SNRPD3: variants seen among roughly 807,000 people sequenced by gnomAD.
SNRPD3 encodes small nuclear ribonucleoprotein Sm D3.
For synonymous variants in SNRPD3, 66 were observed against 58.4 expected, an observed-to-expected ratio of 1.13 and a Z score of -0.59; for missense variants, 73 against 167.5, an observed-to-expected ratio of 0.44 and a Z score of 3.11.
Position 24,572,261 on chromosome 22 carries a change from G to T in SNRPD3, c.*284G>T, listed in dbSNP as rs1056442263. 16 of 617,526 alleles carry T rather than the reference G, an allele frequency of 2.6e-5. No homozygotes were observed. The highest frequency in any genetic ancestry group is 4.0e-5 in the Non-Finnish European group (14 of 351,154). 38.3% of individuals were successfully genotyped at this position (617,526 alleles called of 1,614,324 possible). A position where few individuals can be genotyped will look rare whatever the true frequency, so the allele number is the denominator to read the frequency against. On this transcript the variant is annotated 3_prime_UTR_variant, in exon 4 of 4. Transcript: ENST00000215829. ...AGTACTTTGAAATAGCACAGCTATT[G>T]ATGAGATTTTAAGCTGCTGTTCCTG... is the stretch of plus-strand genomic sequence containing the variant.
chr22:24,557,509 A>AG lies in SNRPD3; in HGVS notation c.-18-147dup, dbSNP rs890387922. 4 of 446,470 alleles carry AG rather than the reference A, an allele frequency of 9.0e-6. No homozygotes were observed. The African/African-American group carries it at 1.9e-4, about 21-fold the overall frequency. The allele number at this position is 446,470 out of a possible 1,614,324, so 27.7% of individuals were successfully genotyped here. ...ATAGTTTCCTCCAAACCAGGAGCTG[A>AG]GCTTTTTTTTTTTTCCTTGGTAGAA... On this transcript the variant is annotated intron_variant, in intron 1 of 3. Coordinates refer to ENST00000215829, the MANE Select transcript of SNRPD3 (RefSeq NM_004175.5).
At chr22:24,568,297 C>G (rs1198838734) in intron 3 of SNRPD3, 121 bp downstream of exon 3, 1 of 650,074 alleles carries the variant, frequency 1.5e-6, no homozygotes, top group African/African-American at 1.8e-5. Flanking sequence ...CACCCACCAC[C>G]CACTGCCACC....
At chr22:24,556,389 T>A (rs368983419) in intron 1 of SNRPD3, among the ~76,000 whole-genome samples, 3 of 134,048 alleles carry the variant, frequency 2.2e-5, no homozygotes, top group African/African-American at 8.2e-5. Context: ...TTTTTTTTTT[T>A]AAGTAGAGAC....
At chr22:24,556,312 C>A (rs1353245843) in intron 1 of SNRPD3, among the ~76,000 whole-genome samples, 1 of 151,912 alleles carries the variant, frequency 6.6e-6, no homozygotes, top group African/African-American at 2.4e-5. Context: ...AGCTTCCAGG[C>A]AGTAATCTCG....
chr22:24,568,238 G>T, intron 3 of SNRPD3, 62 bp downstream of exon 3: 3 of 1,317,054 alleles, frequency 2.3e-6, no homozygotes, highest in Non-Finnish European at 3.2e-6. Flanking sequence ...GTAGAAAGGG[G>T]CCCTATTACT....
At chr22:24,555,855 G>T (rs144974630), upstream of SNRPD3, 1 of 1,533,756 alleles carries the variant, frequency 6.5e-7, no homozygotes, top group Non-Finnish European at 8.8e-7. Context: ...CGGAACTATC[G>T]TACTGGTGCC....
At chr22:24,565,158 T>G (rs1028125835) in intron 2 of SNRPD3, among the ~76,000 whole-genome samples, 3 of 152,128 alleles carry the variant, frequency 2.0e-5, no homozygotes, top group Non-Finnish European at 4.4e-5. Context: ...GTGCTGGGAT[T>G]ACAGACATGA....
At chr22:24,570,106 G>A (rs894267765) in intron 3 of SNRPD3, among the ~76,000 whole-genome samples, 21 of 152,216 alleles carry the variant, frequency 1.4e-4, no homozygotes, top group Admixed American at 9.8e-4. Flanking sequence ...GGGAAACCCC[G>A]CGAGGCCTGT....
chr22:24,566,828 G>A lies in SNRPD3; in HGVS notation c.127-1156G>A, dbSNP rs925344111. On this transcript the variant is annotated intron_variant, in intron 2 of 3. Coordinates refer to ENST00000215829, the MANE Select transcript of SNRPD3 (RefSeq NM_004175.5). ...GGTATCACCCTCCCATGCCAAGCTG[G>A]TCTCACCTTCAGGCTCCCCATTTGT... Among the ~76,000 whole-genome samples, 11 of 152,220 alleles carry A rather than the reference G, an allele frequency of 7.2e-5. No individual in the cohort carries two copies. The East Asian group carries it at 1.9e-3, about 27-fold the overall frequency.
At chr22:24,570,005 CTTTA>C (rs2045234932) in intron 3 of SNRPD3, among the ~76,000 whole-genome samples, 1 of 152,188 alleles carries the variant, frequency 6.6e-6, no homozygotes, top group Non-Finnish European at 1.5e-5. Context: ...TTTATGGAGA[CTTTA>C]TTGGATAGTC....
chr22:24,574,349 TAGG>T lies in SNRPD3; in HGVS notation c.*2373_*2375del, dbSNP rs910674746. Among the ~76,000 whole-genome samples, 4 of 152,196 alleles carry T rather than the reference TAGG, an allele frequency of 2.6e-5. No individual in the cohort carries two copies. The highest frequency in any genetic ancestry group is 2.1e-4 in the South Asian group (1 of 4,832). On this transcript the variant is annotated 3_prime_UTR_variant, in exon 4 of 4. Transcript: ENST00000215829. ...GTAAACAGTTTTATATCCTGCATCTTAGGGGGGAAAATCAGTTGACGCAGATTG... is the reference window on the plus strand; with the variant it reads ...GTAAACAGTTTTATATCCTGCATCTTGGGGAAAATCAGTTGACGCAGATTG...
At chr22:24,569,284 C>G (rs2045226941) in intron 3 of SNRPD3, among the ~76,000 whole-genome samples, 1 of 152,072 alleles carries the variant, frequency 6.6e-6, no homozygotes, top group Non-Finnish European at 1.5e-5. Context: ...TCTTGGTTAG[C>G]CTAATTTGGT....
intron 2 of SNRPD3, among the ~76,000 whole-genome samples, chr22:24,563,202 ATATATGTGTGTGTG>A (rs750492523): frequency 3.6e-5 from 5 of 138,808 alleles, no homozygotes; most frequent in African/African-American, 1.1e-4. Context: ...ACCCTGTCTC[ATATATGTGTGTGTG>A]TGTGTGTGTG....
Position 24,563,282 on chromosome 22 carries a change from G to A in SNRPD3, c.127-4702G>A, listed in dbSNP as rs1217266467. On this transcript the variant is annotated intron_variant, in intron 2 of 3. Transcript: ENST00000215829. ...TGTATATATGTATGTATATATATGTGTGTGTGTGTGTATATATATATATAT... is the reference window on the plus strand; with the variant it reads ...TGTATATATGTATGTATATATATGTATGTGTGTGTGTATATATATATATAT... Among the ~76,000 whole-genome samples the A allele has an allele frequency of 3.5e-4, 36 of 104,214 alleles. 1 individual carries two copies. The highest frequency in any genetic ancestry group is 1.4e-3 in the African/African-American group (36 of 26,140). The allele number at this position is 104,214 out of a possible 152,430, so 68.4% of individuals were successfully genotyped here. A position where few individuals can be genotyped will look rare whatever the true frequency, so the allele number is the denominator to read the frequency against.
rs563416673 is a variant in SNRPD3, at chr22:24,567,875, T to C, written c.127-109T>C. On this transcript the variant is annotated intron_variant, in intron 2 of 3. Coordinates refer to ENST00000215829, the MANE Select transcript of SNRPD3 (RefSeq NM_004175.5). ...TGATTGCTGGGTAATTCACCAGCTT[T>C]GTCACAATGTCAGTCTGCTTTTCTG... 131 of 777,144 alleles carry C rather than the reference T, an allele frequency of 1.7e-4. No individual in the cohort carries two copies. The African/African-American group carries it at 1.8e-3, about 11-fold the overall frequency. The allele number at this position is 777,144 out of a possible 1,614,324, so 48.1% of individuals were successfully genotyped here.
upstream of SNRPD3, chr22:24,555,864 C>G (rs1373263053): frequency 1.6e-5 from 24 of 1,525,668 alleles, no homozygotes; most frequent in Non-Finnish European, 2.0e-5. Context: ...CGTACTGGTG[C>G]CCTAGTTTCC....
chr22:24,571,879 A>G (rs1569028431), intron 3 of SNRPD3, 37 bp from the exon 4 acceptor site: 3 of 1,612,944 alleles, frequency 1.9e-6, no homozygotes, highest in Admixed American at 1.7e-5. Flanking sequence ...TTCACCGACC[A>G]CACTGACCTG....
chr22:24,557,925 G>A, intron 2 of SNRPD3, 125 bp downstream of exon 2: 1 of 895,596 alleles, frequency 1.1e-6, no homozygotes, highest in Non-Finnish European at 1.7e-6. Context: ...AGTGCCTAAT[G>A]CATACCAGTC....
intron 3 of SNRPD3, among the ~76,000 whole-genome samples, chr22:24,570,813 T>TAA (rs1406589930): frequency 8.3e-6 from 1 of 120,028 alleles, no homozygotes; most frequent in African/African-American, 3.5e-5. Context: ...TATGAAATAA[T>TAA]TCTTTTTTTT....
Sources: allele counts gnomAD v4.1 joint callset (sites outside exome capture counted in the v4.1 genomes callset), GRCh38; gene constraint gnomAD v4.1.1; transcripts MANE v1.5; gene names NCBI Gene and HGNC (gene_info 2026-07-23, HGNC 2026-07-21).